LRRFIP1: variants seen among roughly 807,000 people sequenced by gnomAD.
LRRFIP1 encodes the protein LRR binding FLII interacting protein 1.
In LRRFIP1, 62 loss-of-function variants were observed where a neutral mutation model predicts 104.4. The observed-to-expected ratio is 0.59, with a 90% CI of 0.48 to 0.73. The LOEUF (loss-of-function observed/expected upper bound fraction) is 0.73, where lower values mean the gene tolerates loss of function less well. Among genes scored for constraint, LRRFIP1 ranks in the 30% least tolerant of loss-of-function variants. The pLI is 0.00. For synonymous variants in LRRFIP1, 300 were observed against 299.0 expected, an observed-to-expected ratio of 1.00 and a Z score of -0.03; for missense variants, 796 against 824.5, an observed-to-expected ratio of 0.97 and a Z score of 0.42.
chr2:237,686,747 C>T (rs1211528201), intron 1 of LRRFIP1, among the ~76,000 whole-genome samples: 1 of 152,236 alleles, frequency 6.6e-6, no homozygotes, highest in Non-Finnish European at 1.5e-5. Context: ...CTCTTCTGTC[C>T]ACCGGAGGCA....
chr2:237,763,884 A>C, intron 19 of LRRFIP1: 1 of 1,614,260 alleles, frequency 6.2e-7, no homozygotes, highest in Non-Finnish European at 8.5e-7. Context: ...GAAGACGCAG[A>C]TCGCTGCACC....
At chr2:237,734,273 CTTT>C (rs71870330) in intron 9 of LRRFIP1, among the ~76,000 whole-genome samples, 40 of 90,178 alleles carry the variant, frequency 4.4e-4, no homozygotes, top group South Asian at 1.2e-3. Flanking sequence ...TGTTAATAAC[CTTT>C]TTTTTTTTTT....
At chr2:237,690,383 A>G (rs1265065898) in intron 1 of LRRFIP1, among the ~76,000 whole-genome samples, 1 of 152,236 alleles carries the variant, frequency 6.6e-6, no homozygotes, top group African/African-American at 2.4e-5. Context: ...GCTTTCTACA[A>G]TAAATTCCCA....
intron 1 of LRRFIP1, among the ~76,000 whole-genome samples, chr2:237,662,681 A>G (rs1031835963): frequency 7.2e-5 from 11 of 151,946 alleles, no homozygotes; most frequent in African/African-American, 2.7e-4. Flanking sequence ...GTGGCTATTT[A>G]TAGTGAAACC....
At position 237,644,587 on chromosome 2, in the gene LRRFIP1, G is replaced by A. The variant is rs76634333; in HGVS notation, c.96+16847G>A. On this transcript the variant is annotated intron_variant, in intron 1 of 23. Coordinates refer to ENST00000308482, the MANE Select transcript of LRRFIP1 (RefSeq NM_001137550.2). ...AAAAATGAGTCAGTGTTGGTGATGC[G>A]TTTTGTGAAACCGGAAAGCTTAGTT... Among the ~76,000 whole-genome samples the A allele has an allele frequency of 2.0e-3, 308 of 152,320 alleles. 17 individuals carry two copies. The East Asian group carries it at 0.054, about 27-fold the overall frequency.
chr2:237,740,033 C>G (rs1050821631), intron 11 of LRRFIP1, among the ~76,000 whole-genome samples: 1 of 152,040 alleles, frequency 6.6e-6, no homozygotes, highest in Non-Finnish European at 1.5e-5. Flanking sequence ...CGTTCCCACC[C>G]TCAAGAGCCA....
chr2:237,693,133 G>A (rs2092930284), intron 1 of LRRFIP1, among the ~76,000 whole-genome samples: 1 of 152,244 alleles, frequency 6.6e-6, no homozygotes, highest in Admixed American at 6.5e-5. Context: ...TTAAAATTGG[G>A]CAGGGGATGA....
At chr2:237,643,343 T>C (rs2084326097) in intron 1 of LRRFIP1, among the ~76,000 whole-genome samples, 1 of 152,200 alleles carries the variant, frequency 6.6e-6, no homozygotes, top group Admixed American at 6.5e-5. Context: ...AGCCGGGCAT[T>C]TGGGCTTCTG....
intron 7 of LRRFIP1, among the ~76,000 whole-genome samples, 162 bp downstream of exon 7, chr2:237,723,748 T>C (rs2094620656): frequency 6.6e-6 from 1 of 152,242 alleles, no homozygotes; most frequent in South Asian, 2.1e-4. Context: ...TGAGCAGTCT[T>C]CCTCCTGGGG....
chr2:237,774,504 G>A lies in LRRFIP1; in HGVS notation c.1812+42G>A, dbSNP rs1217346232. On this transcript the variant is annotated intron_variant, in intron 23 of 23. Transcript: ENST00000308482. ...ATTTCTAGGAAGAGAATGGCTGCCA[G>A]TATTTCTCTAGTGGGGACGGTACAG... 3.0e-6 allele frequency: 4 copies of A among 1,334,240 alleles called. No individual in the cohort carries two copies. In the South Asian group the frequency reaches 4.8e-5, roughly 16 times the overall value. 82.7% of individuals were successfully genotyped at this position (1,334,240 alleles called of 1,614,324 possible). A position where few individuals can be genotyped will look rare whatever the true frequency, so the allele number is the denominator to read the frequency against.
rs537457760 is a variant in LRRFIP1 at position 237,717,093 on chromosome 2, C to A, written c.202-669C>A. 6.6e-6 allele frequency among the ~76,000 whole-genome samples: 1 copy of A among 152,042 alleles called. No individual in the cohort carries two copies. Among genetic ancestry groups the A allele is most frequent in the South Asian group, 2.1e-4 (1 of 4,818 alleles). ...CCCAAGACACTTCTTCCAGTGTGGT[C>A]CAAGGAAGCCAAAAGATTGGACACC... On this transcript the variant is annotated intron_variant, in intron 3 of 23. Transcript: ENST00000308482. The surrounding 1 kb of genome is among the most constrained non-coding windows in gnomAD (Gnocchi z 4.2).
rs148634909 is a variant in LRRFIP1, at chr2:237,695,134, C to T, written c.97-13410C>T. Among the ~76,000 whole-genome samples, 469 of 152,286 alleles carry T rather than the reference C, an allele frequency of 3.1e-3. 5 individuals are homozygous for T. Among genetic ancestry groups the T allele is most frequent in the East Asian group, 0.016 (82 of 5,180 alleles). On this transcript the variant is annotated intron_variant, in intron 1 of 23. Transcript: ENST00000308482. ...GTGTGTTTTAGGCATGTCATTTCCCCGGGCAGGTAAGACATAAATATAGTA... is the reference window on the plus strand; with the variant it reads ...GTGTGTTTTAGGCATGTCATTTCCCTGGGCAGGTAAGACATAAATATAGTA...
At chr2:237,692,087 A>T in intron 1 of LRRFIP1, 2 of 506,206 alleles carry the variant, frequency 4.0e-6, no homozygotes, top group Non-Finnish European at 4.5e-6. Flanking sequence ...CGGTGGGGCG[A>T]GTCATGGGGC....
chr2:237,749,472 C>G lies in LRRFIP1; in HGVS notation c.795+148C>G, dbSNP rs2058308467. On this transcript the variant is annotated intron_variant, in intron 13 of 23. Transcript: ENST00000308482. ...ACCTCCCCTAAAATACGGTGTTCTC[C>G]TAACATCAAGACCCAGCTCAGATAG... 9 of 966,882 alleles carry G rather than the reference C, an allele frequency of 9.3e-6. No homozygotes were observed. In the East Asian group the frequency reaches 2.1e-4, roughly 23 times the overall value. 59.9% of individuals were successfully genotyped at this position (966,882 alleles called of 1,614,324 possible). A position where few individuals can be genotyped will look rare whatever the true frequency, so the allele number is the denominator to read the frequency against.
chr2:237,651,035 A>G (rs1223919807), intron 1 of LRRFIP1, among the ~76,000 whole-genome samples: 1 of 152,206 alleles, frequency 6.6e-6, no homozygotes. Context: ...CACAGCCCCT[A>G]AGGTATAGAC....
At chr2:237,713,647 A>G (rs560362468) in intron 2 of LRRFIP1, among the ~76,000 whole-genome samples, 4 of 152,198 alleles carry the variant, frequency 2.6e-5, no homozygotes, top group African/African-American at 9.6e-5. Flanking sequence ...GAATGAATGA[A>G]TGAAAATGAG....
intron 21 of LRRFIP1, chr2:237,772,578 C>G (rs2060742765): frequency 1.9e-6 from 1 of 518,498 alleles, no homozygotes; most frequent in African/African-American, 1.9e-5. Flanking sequence ...CCCAGTCTCT[C>G]TCCGCCCTTT....
intron 10 of LRRFIP1, among the ~76,000 whole-genome samples, chr2:237,736,133 A>T (rs2095238609): frequency 6.6e-6 from 1 of 152,220 alleles, no homozygotes; most frequent in Non-Finnish European, 1.5e-5. Flanking sequence ...ATGACTTACT[A>T]TGCTATTTGT....
intron 1 of LRRFIP1, among the ~76,000 whole-genome samples, chr2:237,697,305 G>A (rs1323022312): frequency 6.6e-6 from 1 of 152,162 alleles, no homozygotes; most frequent in African/African-American, 2.4e-5. Flanking sequence ...TTACAGGCAT[G>A]AGCCACCACA....
Sources: gnomAD v4.1 joint callset for allele counts (sites outside exome capture counted in the v4.1 genomes callset) on GRCh38, gnomAD v4.1.1 for gene constraint, Gnocchi (gnomAD v3.1) non-coding constraint, MANE v1.5 for transcripts, NCBI Gene and HGNC (gene_info 2026-07-23, HGNC 2026-07-21) for gene names.